Variants in CLN8 observed in about 807,000 individuals in gnomAD.
CLN8 encodes the protein CLN8 transmembrane ER and ERGIC protein.
CLN8 carries 14 observed loss-of-function variants against 15.7 expected under a neutral mutation model. That is an observed-to-expected ratio of 0.89 (90% confidence interval 0.59 to 1.39). CLN8 has a LOEUF of 1.39. Among genes scored for constraint, CLN8 ranks in the 40% most tolerant of loss-of-function variants. CLN8 has a pLI of 0.00. For missense variants in CLN8, 415 were observed against 364.0 expected (o/e 1.14, Z -1.14); for synonymous variants, 188 against 151.0 (o/e 1.25, Z -1.80).
chr8:1,760,209 T>C (rs569809706), upstream of CLN8: 5 of 152,306 alleles, frequency 3.3e-5, no homozygotes, highest in South Asian at 8.3e-4. Context: ...ACGTGGATAA[T>C]GGTGCCTGCG....
In CLN8 at chr8:1,780,539, G is replaced by A. The variant is rs1219017138; in HGVS notation, c.833G>A (p.Gly278Glu). The change falls in exon 3 of 3, where the codon GGG (glycine) becomes GAG (glutamate). Residue 278 changes from glycine (G) to glutamate (E), a missense_variant. By Grantham distance (98) the Gly-to-Glu change is moderately conservative. Coordinates refer to ENST00000331222, the MANE Select transcript of CLN8 (RefSeq NM_018941.4). The stretch of plus-strand genomic sequence containing the variant: ...GCCAAGAGCAGGCCAGAAGGCAACG[G>A]GCAGCTGCTGCGGAAGAAGAGGCCA... Reference protein sequence around the residue: ...PEAKSRPEGNGQLLRKKRP With the variant: ...PEAKSRPEGNEQLLRKKRP 1 of 1,614,132 alleles carries A rather than the reference G, an allele frequency of 6.2e-7. No homozygotes were observed. The highest frequency in any genetic ancestry group is 1.3e-5 in the African/African-American group (1 of 75,066).
intron 1 of CLN8, chr8:1,764,341 GGACGGAGGGAGGGGACA>G (rs1160308864): frequency 6.8e-6 from 1 of 146,720 alleles, no homozygotes; most frequent in Non-Finnish European, 1.5e-5. Context: ...CGCGGATGCC[GGACGGAGGGAGGGGACA>G]GGCGGAGGCG....
upstream of CLN8, chr8:1,763,351 G>A (rs1465140836): frequency 1.3e-5 from 1 of 74,132 alleles, no homozygotes; most frequent in South Asian, 4.2e-4. Context: ...CCCGCCGGCC[G>A]TGGTTCAGCG....
chr8:1,761,984 T>C (rs1274849867), upstream of CLN8: 1 of 152,254 alleles, frequency 6.6e-6, no homozygotes, highest in African/African-American at 2.4e-5. Flanking sequence ...AAAGGCAGTC[T>C]AGTCTCCAGA....
chr8:1,759,728 C>G (rs1800748268), upstream of CLN8: 2 of 152,360 alleles, frequency 1.3e-5, no homozygotes, highest in Admixed American at 1.3e-4. Flanking sequence ...TGCAGATGTG[C>G]TGTCAGCAGA....
intron 1 of CLN8, among the ~76,000 whole-genome samples, chr8:1,767,819 C>T (rs1801129148): frequency 6.6e-6 from 1 of 152,030 alleles, no homozygotes; most frequent in African/African-American, 2.4e-5. Context: ...GATGCACCTG[C>T]CTTGGCATCC....
intron 1 of CLN8, among the ~76,000 whole-genome samples, chr8:1,766,905 C>G (rs948934002): frequency 1.3e-5 from 2 of 152,240 alleles, no homozygotes; most frequent in African/African-American, 4.8e-5. Flanking sequence ...TCCCATACCC[C>G]TTCTGTGCTG....
At chr8:1,758,924 G>T (rs1051539867), upstream of CLN8, 1 of 152,180 alleles carries the variant, frequency 6.6e-6, no homozygotes, top group African/African-American at 2.4e-5. Context: ...AAGGGAAGGG[G>T]ATTCTGGCAG....
At chr8:1,772,442 C>G (rs1780061052) in intron 2 of CLN8, among the ~76,000 whole-genome samples, 1 of 151,950 alleles carries the variant, frequency 6.6e-6, no homozygotes, top group South Asian at 2.1e-4. Flanking sequence ...TCAAAATGTT[C>G]TTCATGTTAA....
intron 2 of CLN8, chr8:1,773,747 G>A (rs1365911039): frequency 1.3e-5 from 2 of 152,216 alleles, no homozygotes. Context: ...AAGAGGCCTT[G>A]GCCTGTGCTC....
chr8:1,766,074 G>A (rs570128911), intron 1 of CLN8, among the ~76,000 whole-genome samples: 38 of 152,196 alleles, frequency 2.5e-4, no homozygotes, highest in Admixed American at 3.9e-4. Flanking sequence ...ACTGAGCCTG[G>A]TTCCTGGTCA....
chr8:1,763,399 G>C (rs1314403430), upstream of CLN8: 4 of 33,762 alleles, frequency 1.2e-4, 1 homozygote, highest in Admixed American at 3.1e-4. Flanking sequence ...GCCGCGCCGC[G>C]CCCCGCCCCC....
intron 1 of CLN8, chr8:1,764,357 C>CAGGCGA (rs1563102789): frequency 1.3e-5 from 2 of 151,472 alleles, no homozygotes. Context: ...AGGGAGGGGA[C>CAGGCGA]AGGCGGAGGC....
intron 2 of CLN8, among the ~76,000 whole-genome samples, chr8:1,777,824 T>C (rs954591934): frequency 6.6e-6 from 1 of 152,210 alleles, no homozygotes; most frequent in Non-Finnish European, 1.5e-5. Flanking sequence ...CCTGGGGCTG[T>C]TTATAGTTAA....
At chr8:1,776,242 G>T (rs113516779) in intron 2 of CLN8, among the ~76,000 whole-genome samples, 53 of 152,026 alleles carry the variant, frequency 3.5e-4, no homozygotes, top group African/African-American at 1.2e-3. Flanking sequence ...CACAGAGAAG[G>T]TTCTGGAAGC....
chr8:1,757,075 C>A (rs1365232832), intron 1 of CLN8, among the ~76,000 whole-genome samples: 1 of 152,158 alleles, frequency 6.6e-6, no homozygotes, highest in African/African-American at 2.4e-5. Flanking sequence ...GGAGAGCAGG[C>A]CTATTTGGGG....
chr8:1,780,522 C>G lies in CLN8; in HGVS notation c.816C>G (p.Ser272Arg), dbSNP rs1801684706. ...DWNFAQPEAK[S>R]RPEGNGQLLR... ...ACTTCGCACAGCCAGAAGCCAAGAG[C>G]AGGCCAGAAGGCAACGGGCAGCTGC... Residue 272 changes from serine (S) to arginine (R), a missense_variant, in exon 3 of 3, where the codon AGC becomes AGG. Ser to Arg is a moderately radical substitution (Grantham distance 110). Transcript: ENST00000331222. 6.2e-7 allele frequency: 1 copy of G among 1,614,228 alleles called. No individual in the cohort carries two copies. The highest frequency in any genetic ancestry group is 8.5e-7 in the Non-Finnish European group (1 of 1,180,036).
At chr8:1,761,749 C>A (rs1160513120), upstream of CLN8, among the ~76,000 whole-genome samples, 2 of 152,216 alleles carry the variant, frequency 1.3e-5, no homozygotes, top group African/African-American at 2.4e-5. Context: ...GAGCCGGTTG[C>A]TGAGTGCGGG....
In CLN8 at chr8:1,771,043, T is replaced by C. The variant is rs2130989770; in HGVS notation, c.-12T>C. 4 of 1,613,862 alleles carry C rather than the reference T, an allele frequency of 2.5e-6. No homozygotes were observed. In the South Asian group the frequency reaches 3.3e-5, roughly 13 times the overall value. ...TTGGCCCCAGGACTCCTTTGGAATA[T>C]AGCTGTGGACAATGAATCCTGCGAG... On this transcript the variant is annotated 5_prime_UTR_variant, in exon 2 of 3. Coordinates refer to ENST00000331222, the MANE Select transcript of CLN8 (RefSeq NM_018941.4).
Sources: allele counts gnomAD v4.1 joint callset (sites outside exome capture counted in the v4.1 genomes callset), GRCh38; gene constraint gnomAD v4.1.1; transcripts MANE v1.5; gene names NCBI Gene and HGNC (gene_info 2026-07-23, HGNC 2026-07-21).